Variants in MAP2K7 observed in about 807,000 individuals in gnomAD.
MAP2K7 encodes the protein mitogen-activated protein kinase kinase 7, also known as dual specificity mitogen-activated protein kinase kinase 7.
In MAP2K7, 12 loss-of-function variants were observed where a neutral mutation model predicts 47.7. The ratio of observed to expected loss-of-function variants is 0.25; its 90% CI spans 0.16 to 0.41. MAP2K7 has a LOEUF of 0.41. Ranked by LOEUF, MAP2K7 falls within the 10% of genes least tolerant of loss-of-function variation. The pLI is 1.00. For synonymous variants in MAP2K7, 299 were observed against 243.0 expected (o/e 1.23, Z -2.14); for missense variants, 415 against 600.3 (o/e 0.69, Z 3.23).
Position 7,904,203 on chromosome 19 carries a change from C to A in MAP2K7, c.124+135C>A, listed in dbSNP as rs535446036. Reference sequence around the variant, plus strand: ...TCCTCTCCGCCCCCCCCGCTGCGGGCTCGCGGGGCGAGGGTCACGGTGACC... The same window carrying A: ...TCCTCTCCGCCCCCCCCGCTGCGGGATCGCGGGGCGAGGGTCACGGTGACC... On this transcript the variant is annotated intron_variant, in intron 1 of 10. Coordinates refer to ENST00000397979, the MANE Select transcript of MAP2K7 (RefSeq NM_145185.4). 2.2e-5 allele frequency: 16 copies of A among 741,482 alleles called. No individual in the cohort carries two copies. The East Asian group carries it at 8.0e-4, about 37-fold the overall frequency. The allele number at this position is 741,482 out of a possible 1,614,324, so 45.9% of individuals were successfully genotyped here. A position where few individuals can be genotyped will look rare whatever the true frequency, so the allele number is the denominator to read the frequency against.
At chr19:7,910,863 G>A (rs1334706040) in intron 6 of MAP2K7, 60 bp downstream of exon 6, 11 of 1,569,286 alleles carry the variant, frequency 7.0e-6, no homozygotes, top group East Asian at 2.3e-5. Flanking sequence ...GTGACCAGGC[G>A]GGGCGTGCAC....
intron 5 of MAP2K7, 50 bp from the exon 6 acceptor site, chr19:7,910,645 TG>T (rs771406063): frequency 2.8e-5 from 45 of 1,608,408 alleles, no homozygotes; most frequent in Admixed American, 1.8e-4. Context: ...GCAGAGCCTC[TG>T]GGGGGTGGGC....
chr19:7,906,052 T>G, intron 1 of MAP2K7: 1 of 596,126 alleles, frequency 1.7e-6, no homozygotes, highest in Non-Finnish European at 3.0e-6. Flanking sequence ...TCCCTCCTCC[T>G]CCCCCTCCCT....
At chr19:7,911,386 C>G in intron 8 of MAP2K7, 50 bp from the exon 9 acceptor site, 1 of 1,613,342 alleles carries the variant, frequency 6.2e-7, no homozygotes, top group Non-Finnish European at 8.5e-7. Context: ...CTGGGGGACT[C>G]GGAGGGAGGA....
rs775374156 is a variant in MAP2K7 at position 7,912,326 on chromosome 19, G to A, written c.1155G>A (p.Thr385=). The change falls in exon 11 of 11, where the codon ACG becomes ACA. Residue 385 remains threonine, a synonymous_variant. Coordinates refer to ENST00000397979, the MANE Select transcript of MAP2K7 (RefSeq NM_145185.4). ...ACAGCTTCATCAAGCGCTACGAGACGCTGGAGGTGGACGTGGCGTCCTGGT... is the reference window on the plus strand; with the variant it reads ...ACAGCTTCATCAAGCGCTACGAGACACTGGAGGTGGACGTGGCGTCCTGGT... The part of the protein sequence containing the change: ...LEHSFIKRYE[T]LEVDVASWFK... 7.4e-6 allele frequency: 12 copies of A among 1,613,640 alleles called. No individual in the cohort carries two copies. Among genetic ancestry groups the A allele is most frequent in the Middle Eastern group, 1.6e-4 (1 of 6,062 alleles).
intron 3 of MAP2K7, 53 bp downstream of exon 3, chr19:7,910,182 C>T (rs754593711): frequency 3.1e-6 from 5 of 1,595,886 alleles, no homozygotes; most frequent in Non-Finnish European, 4.3e-6. Context: ...AGGCTGGACC[C>T]ATCCTGGGAG....
Position 7,903,896 on chromosome 19 carries a change from G to GGACT in MAP2K7, c.-45_-42dup. 7.1e-7 allele frequency: 1 copy of GGACT among 1,416,886 alleles called. No individual in the cohort carries two copies. Among genetic ancestry groups the GGACT allele is most frequent in the Non-Finnish European group, 9.4e-7 (1 of 1,066,538 alleles). The allele number at this position is 1,416,886 out of a possible 1,614,324, so 87.8% of individuals were successfully genotyped here. ...AGGCGCAGTGCGGTGTTTGTCTGCC[G>GGACT]GACTGACGGGCGGCCGGGCGGTGCG... On this transcript the variant is annotated 5_prime_UTR_variant, in exon 1 of 11. Transcript: ENST00000397979.
intron 1 of MAP2K7, 30 bp from the exon 2 acceptor site, chr19:7,909,725 C>A (rs554383841): frequency 5.5e-6 from 8 of 1,466,948 alleles, no homozygotes; most frequent in Non-Finnish European, 7.3e-6. Context: ...CGCTGACCCC[C>A]CTCCCTGCCA....
chr19:7,906,257 C>G (rs991147887), intron 1 of MAP2K7: 1 of 214,412 alleles, frequency 4.7e-6, no homozygotes, highest in African/African-American at 2.3e-5. Context: ...CATAGCACCC[C>G]CCGGGTTCCA....
intron 3 of MAP2K7, 44 bp downstream of exon 3, chr19:7,910,173 G>C (rs779549513): frequency 6.3e-7 from 1 of 1,594,828 alleles, no homozygotes; most frequent in South Asian, 1.1e-5. Flanking sequence ...GGCCCAGCCA[G>C]GCTGGACCCA....
At chr19:7,910,824 T>C (rs1982791881) in intron 6 of MAP2K7, 21 bp downstream of exon 6, 1 of 1,580,834 alleles carries the variant, frequency 6.3e-7, no homozygotes, top group African/African-American at 1.3e-5. Flanking sequence ...AGGCGGGGCT[T>C]GCACTGGGCA....
chr19:7,910,878 C>G, intron 6 of MAP2K7, 75 bp downstream of exon 6: 1 of 1,588,166 alleles, frequency 6.3e-7, no homozygotes, highest in Non-Finnish European at 8.6e-7. Flanking sequence ...GTGCACTGGG[C>G]AAGATGACAG....
At chr19:7,905,065 C>T (rs1213021321) in intron 1 of MAP2K7, among the ~76,000 whole-genome samples, 1 of 151,784 alleles carries the variant, frequency 6.6e-6, no homozygotes, top group Non-Finnish European at 1.5e-5. Context: ...AGTCTCCCGG[C>T]TTTTTCCCCA....
At position 7,914,129 on chromosome 19, in the gene MAP2K7, C is replaced by G. The variant is rs964748682; in HGVS notation, c.*1698C>G. On this transcript the variant is annotated 3_prime_UTR_variant, in exon 11 of 11. Coordinates refer to ENST00000397979, the MANE Select transcript of MAP2K7 (RefSeq NM_145185.4). ...GTTGCATGGCTGGTCCCAGGGCCAG[C>G]ACAGGCCCGAGGCCGGGCTGCCTGG... 2 of 152,176 alleles carry G rather than the reference C, an allele frequency of 1.3e-5. No individual in the cohort carries two copies. Among genetic ancestry groups the G allele is most frequent in the African/African-American group, 2.4e-5 (1 of 41,454 alleles). 9.4% of individuals were successfully genotyped at this position (152,176 alleles called of 1,614,324 possible). A position where few individuals can be genotyped will look rare whatever the true frequency, so the allele number is the denominator to read the frequency against.
rs1188788841 is a variant in MAP2K7 at position 7,914,377 on chromosome 19, CCCT to C, written c.*1951_*1953del. 6.6e-6 allele frequency: 1 copy of C among 152,512 alleles called. No individual in the cohort carries two copies. Among genetic ancestry groups the C allele is most frequent in the East Asian group, 1.9e-4 (1 of 5,182 alleles). 9.4% of individuals were successfully genotyped at this position (152,512 alleles called of 1,614,324 possible). The stretch of plus-strand genomic sequence containing the variant: ...CGGGCCAGCCCACCAGCCAATGGAC[CCCT>C]CCTCAGGCCGCCAGTGTCGCCCTGC... On this transcript the variant is annotated 3_prime_UTR_variant, in exon 11 of 11. Coordinates refer to ENST00000397979, the MANE Select transcript of MAP2K7 (RefSeq NM_145185.4).
rs565531712 is a variant in MAP2K7, at chr19:7,911,027, C to T, written c.723C>T (p.His241=). The T allele has an allele frequency of 1.9e-6, 3 of 1,612,784 alleles. No individual in the cohort carries two copies. The highest frequency in any genetic ancestry group is 2.2e-5 in the East Asian group (1 of 44,868). The change falls in exon 7 of 11, where the codon CAC becomes CAT. Residue 241 remains histidine (H), a synonymous_variant. Transcript: ENST00000397979. ...YYLKEKHGVI[H]RDVKPSNILL... ...TGAAGGAGAAGCACGGTGTCATCCA[C>T]CGCGACGTCAAGCCCTCCAACATCC...
intron 1 of MAP2K7, chr19:7,905,749 C>A: frequency 2.2e-6 from 3 of 1,382,970 alleles, no homozygotes; most frequent in South Asian, 1.2e-5. Flanking sequence ...TTGGACGAAT[C>A]AGTCGTTTCT....
intron 5 of MAP2K7, 26 bp from the exon 6 acceptor site, chr19:7,910,670 T>TC: frequency 6.2e-7 from 1 of 1,605,790 alleles, no homozygotes; most frequent in East Asian, 2.2e-5. Context: ...AAGACACAGC[T>TC]CCCCCGGGTG....
intron 1 of MAP2K7, among the ~76,000 whole-genome samples, chr19:7,907,637 C>T (rs950157579): frequency 2.0e-5 from 3 of 152,208 alleles, no homozygotes; most frequent in South Asian, 2.1e-4. Context: ...TGAACCCTCC[C>T]TTCCATCCCC....
Sources: gnomAD v4.1 joint callset for allele counts (sites outside exome capture counted in the v4.1 genomes callset) on GRCh38, gnomAD v4.1.1 for gene constraint, MANE v1.5 for transcripts, NCBI Gene and HGNC (gene_info 2026-07-23, HGNC 2026-07-21) for gene names.